SHQ1: variants seen among roughly 807,000 people sequenced by gnomAD.
SHQ1 encodes protein SHQ1 homolog.
Under a neutral mutation model 53.8 loss-of-function variants are expected in SHQ1, and 49 were observed. That is an observed-to-expected ratio of 0.91 (90% CI 0.72 to 1.16). SHQ1 has a LOEUF of 1.16. Ranked by LOEUF, SHQ1 falls within the 50% of genes most tolerant of loss-of-function variation. The pLI, the probability that SHQ1 is intolerant of heterozygous loss-of-function variation, is 0.00. For missense variants in SHQ1, 738 were observed against 683.1 expected, an observed-to-expected ratio of 1.08 and a Z score of -0.90; for synonymous variants, 243 against 251.0, an observed-to-expected ratio of 0.97 and a Z score of 0.30.
chr3:72,848,254 G>C lies in SHQ1; in HGVS notation c.87C>G (p.Phe29Leu). 2 of 1,614,160 alleles carry C rather than the reference G, an allele frequency of 1.2e-6. No homozygotes were observed. Among genetic ancestry groups the C allele is most frequent in the Non-Finnish European group, 1.7e-6 (2 of 1,180,026 alleles). ...AGTCAGACCCCTCGAAGTAGACGTC[G>C]AACTCGGAGACCCGGGCGTAGGGCA... Reference protein sequence around the residue: ...IRVPYARVSEFDVYFEGSDFK... With the variant: ...IRVPYARVSELDVYFEGSDFK... The change falls in exon 1 of 11, where the codon TTC becomes TTG. Residue 29 changes from phenylalanine to leucine, a missense_variant. Transcript: ENST00000325599.
At position 72,772,396 on chromosome 3, in the gene SHQ1, C is replaced by A. The variant is rs188934801; in HGVS notation, c.1181+20520G>T. ...CAGCCCAGGCATTTAGGCTTTTGTCCTGCAGGCAAACCATCAAGAACTTCT... is the reference window on the plus strand; with the variant it reads ...CAGCCCAGGCATTTAGGCTTTTGTCATGCAGGCAAACCATCAAGAACTTCT... On this transcript the variant is annotated intron_variant, in intron 10 of 10. Coordinates refer to ENST00000325599, the MANE Select transcript of SHQ1 (RefSeq NM_018130.3). 9.5e-4 allele frequency: 327 copies of A among 342,566 alleles called. 3 individuals are homozygous for A. Among genetic ancestry groups the A allele is most frequent in the African/African-American group, 6.6e-3 (304 of 46,270 alleles). 21.2% of individuals were successfully genotyped at this position (342,566 alleles called of 1,614,324 possible).
rs552856975 is a variant in SHQ1, at chr3:72,751,136, C to T, written c.1182-300G>A. On this transcript the variant is annotated intron_variant, in intron 10 of 10. Coordinates refer to ENST00000325599, the MANE Select transcript of SHQ1 (RefSeq NM_018130.3). Reference sequence around the variant, plus strand: ...AAATAAAATCAATTTCTTGGCCAGGCACAGTGGCTCACGCCTGTAACCCCA... The same window carrying T: ...AAATAAAATCAATTTCTTGGCCAGGTACAGTGGCTCACGCCTGTAACCCCA... Among the ~76,000 whole-genome samples, 10 of 152,302 alleles carry T rather than the reference C, an allele frequency of 6.6e-5. No homozygotes were observed. The South Asian group carries it at 1.9e-3, about 28-fold the overall frequency.
Position 72,840,937 on chromosome 3 carries a change from C to A in SHQ1, c.486+108G>T. On this transcript the variant is annotated intron_variant, in intron 4 of 10. Coordinates refer to ENST00000325599, the MANE Select transcript of SHQ1 (RefSeq NM_018130.3). ...GTGCTAAGTGCTTTAAATACAATCA[C>A]CTCCTGTAATATTATTTTTAAAAAC... 3.1e-6 allele frequency: 4 copies of A among 1,285,704 alleles called. No individual in the cohort carries two copies. In the South Asian group the frequency reaches 6.0e-5, roughly 19 times the overall value. The allele number at this position is 1,285,704 out of a possible 1,614,324, so 79.6% of individuals were successfully genotyped here. A position where few individuals can be genotyped will look rare whatever the true frequency, so the allele number is the denominator to read the frequency against.
chr3:72,768,007 C>A (rs1204826395), intron 10 of SHQ1, among the ~76,000 whole-genome samples: 1 of 152,070 alleles, frequency 6.6e-6, no homozygotes, highest in Non-Finnish European at 1.5e-5. Context: ...CTTGCAGCCA[C>A]TTCATTCCAC....
chr3:72,832,203 A>G (rs1398733047), intron 5 of SHQ1, among the ~76,000 whole-genome samples, 166 bp downstream of exon 5: 1 of 152,272 alleles, frequency 6.6e-6, no homozygotes, highest in African/African-American at 2.4e-5. Flanking sequence ...CAAAGATTAC[A>G]GAGGTACAAC....
chr3:72,785,595 C>A (rs1245136132), intron 10 of SHQ1, among the ~76,000 whole-genome samples: 2 of 152,174 alleles, frequency 1.3e-5, no homozygotes, highest in Admixed American at 6.5e-5. Context: ...TCTTGTTCAA[C>A]AATAAAGGGA....
In SHQ1 at chr3:72,848,421, C is replaced by A. The variant is rs759599165; in HGVS notation, c.-81G>T. On this transcript the variant is annotated 5_prime_UTR_variant, in exon 1 of 11. Coordinates refer to ENST00000325599, the MANE Select transcript of SHQ1 (RefSeq NM_018130.3). The stretch of plus-strand genomic sequence containing the variant: ...GCCACGCAAACTCTCCAACTCCCCA[C>A]GCGCAGGAACTCTCGGTGTGAGGGA... 4 of 1,565,686 alleles carry A rather than the reference C, an allele frequency of 2.6e-6. No individual in the cohort carries two copies. The highest frequency in any genetic ancestry group is 4.6e-5 in the East Asian group (2 of 43,722).
At chr3:72,731,892 C>G in the SHQ1 span, among the ~76,000 whole-genome samples, 1 of 151,280 alleles carries the variant, frequency 6.6e-6, no homozygotes, top group Admixed American at 6.6e-5. Context: ...CTACTTACAT[C>G]TTCTGATCCT....
intron 10 of SHQ1, among the ~76,000 whole-genome samples, chr3:72,762,790 T>A (rs1705639365): frequency 6.6e-6 from 1 of 152,110 alleles, no homozygotes; most frequent in Non-Finnish European, 1.5e-5. Context: ...TTCTCCTGCC[T>A]CAGCCTCCCG....
chr3:72,800,578 A>G (rs1706757539), intron 9 of SHQ1, among the ~76,000 whole-genome samples: 1 of 152,220 alleles, frequency 6.6e-6, no homozygotes, highest in Admixed American at 6.5e-5. Flanking sequence ...CCTTGACAGG[A>G]AAGGACATGA....
At chr3:72,727,698 A>T in the SHQ1 span, among the ~76,000 whole-genome samples, 1 of 152,132 alleles carries the variant, frequency 6.6e-6, no homozygotes, top group South Asian at 2.1e-4. Flanking sequence ...TACCTCAGCT[A>T]ATGAAACAGT....
At chr3:72,729,920 G>A in the SHQ1 span, among the ~76,000 whole-genome samples, 6 of 151,936 alleles carry the variant, frequency 3.9e-5, no homozygotes, top group African/African-American at 9.7e-5. Flanking sequence ...CGGGGTTCAC[G>A]CCATTCTCCT....
chr3:72,821,126 T>C (rs775197556), intron 6 of SHQ1, among the ~76,000 whole-genome samples: 4 of 152,024 alleles, frequency 2.6e-5, no homozygotes, highest in African/African-American at 4.8e-5. Flanking sequence ...CCAGAAAAAA[T>C]TGTGCTGCAT....
chr3:72,846,390 G>C, intron 1 of SHQ1: 1 of 1,292,654 alleles, frequency 7.7e-7, no homozygotes. Context: ...CGCCCCCCAG[G>C]TTCAAGCGAT....
chr3:72,781,053 CTTTTTTTTTTTCTTT>C (rs1706061147), intron 10 of SHQ1, among the ~76,000 whole-genome samples: 2 of 141,654 alleles, frequency 1.4e-5, no homozygotes, highest in South Asian at 2.3e-4. Flanking sequence ...ATTTTCTTCT[CTTTTTTTTTTTCTTT>C]TTTTTTTTTT....
At chr3:72,821,784 G>C (rs536985805) in intron 6 of SHQ1, among the ~76,000 whole-genome samples, 4 of 152,300 alleles carry the variant, frequency 2.6e-5, no homozygotes, top group Non-Finnish European at 5.9e-5. Flanking sequence ...GCAGAAAACT[G>C]TGATGTTTAT....
chr3:72,781,065 CTT>C (rs527930281), intron 10 of SHQ1, among the ~76,000 whole-genome samples: 8 of 131,136 alleles, frequency 6.1e-5, no homozygotes, highest in Admixed American at 1.5e-4. Flanking sequence ...TTTTTTTTTT[CTT>C]TTTTTTTTTT....
intron 4 of SHQ1, among the ~76,000 whole-genome samples, chr3:72,837,771 T>C (rs572583839): frequency 6.6e-6 from 1 of 152,378 alleles, no homozygotes; most frequent in African/African-American, 2.4e-5. Context: ...ATTATTAACC[T>C]TACATGATCA....
intron 10 of SHQ1, among the ~76,000 whole-genome samples, chr3:72,756,035 A>C (rs1465488771): frequency 6.6e-6 from 1 of 152,128 alleles, no homozygotes; most frequent in South Asian, 2.1e-4. Context: ...AGTAGCTGGG[A>C]CTACAGGCAC....
Sources: gnomAD v4.1 joint callset for allele counts (sites outside exome capture counted in the v4.1 genomes callset) on GRCh38, gnomAD v4.1.1 for gene constraint, MANE v1.5 for transcripts, NCBI Gene and HGNC (gene_info 2026-07-23, HGNC 2026-07-21) for gene names.